TTN: variants seen among roughly 807,000 people sequenced by gnomAD.
The protein encoded by TTN is connectin.
In TTN, 1,525 loss-of-function variants were observed where a neutral mutation model predicts 3,223.0. That is an observed-to-expected ratio of 0.47 (90% CI 0.45 to 0.49). The LOEUF is 0.49. Ranked by LOEUF, TTN falls within the 20% of genes least tolerant of loss-of-function variation. The probability of loss-of-function intolerance (pLI) is 0.00; values close to 1 mark genes in which losing one functional copy is unlikely to be tolerated. For missense variants in TTN, 40,786 were observed against 43,424.0 expected (o/e 0.94, Z 5.40); for synonymous variants, 14,094 against 15,161.0 (o/e 0.93, Z 5.17).
At chr2:178,750,757 T>C (rs2085247385) in intron 47 of TTN, 1 of 1,612,932 alleles carries the variant, frequency 6.2e-7, no homozygotes, top group African/African-American at 1.3e-5. Flanking sequence ...TACCAAAAGA[T>C]TCGCTGGCAT....
At chr2:178,747,787 G>A in intron 47 of TTN, 3 of 1,612,256 alleles carry the variant, frequency 1.9e-6, no homozygotes, top group East Asian at 2.2e-5. Flanking sequence ...CTAAAGTGGA[G>A]AAAGAAGCTT....
Position 178,584,329 on chromosome 2 carries a change from C to T in TTN, c.65222G>A (p.Gly21741Glu). Residue 21741 changes from glycine to glutamate, a missense_variant, in exon 311 of 363, where the codon GGA becomes GAA. Gly to Glu is a moderately conservative substitution (Grantham distance 98, BLOSUM62 -2). Transcript: ENST00000589042. ...TGTGGGTTTGCTGGGTGGGCTGGAT[C>T]CAGCTTTGTTTAGGGCATAGATTCT... ...SFRIYALNKA[G>E]SSPPSKPTEY... is the part of the protein sequence containing the mutation. The T allele has an allele frequency of 6.2e-7, 1 of 1,604,792 alleles. No individual in the cohort carries two copies. Among genetic ancestry groups the T allele is most frequent in the Non-Finnish European group, 8.5e-7 (1 of 1,173,034 alleles).
At position 178,632,241 on chromosome 2, in the gene TTN, A is replaced by G. The variant is rs768244114; in HGVS notation, c.43653T>C (p.His14551=). The G allele has an allele frequency of 3.7e-6, 6 of 1,608,328 alleles. No individual in the cohort carries two copies. In the Admixed American group the frequency reaches 8.4e-5, roughly 23 times the overall value. The change falls in exon 236 of 363, where the codon CAT becomes CAC. Residue 14551 remains histidine (H), a synonymous_variant. Coordinates refer to ENST00000589042, the MANE Select transcript of TTN (RefSeq NM_001267550.2). ...SVSMQDEGKT[H]SITFKDLSID... ...TAGACAGGTCTTTGAATGTGATCGA[A>G]TGAGTTTTCCCTTCGTCTTGCATTG...
intron 111 of TTN, 25 bp downstream of exon 111, chr2:178,701,095 C>T (rs916926436): frequency 1.9e-6 from 3 of 1,605,424 alleles, no homozygotes; most frequent in Non-Finnish European, 2.6e-6. Flanking sequence ...CTTATTTCGA[C>T]ATCTAGGTAG....
In TTN at chr2:178,799,931, A is replaced by C. The variant is rs755491473; in HGVS notation, c.584-21T>G. The C allele has an allele frequency of 1.1e-5, 17 of 1,612,642 alleles. 1 individual carries two copies. The South Asian group carries it at 1.9e-4, about 18-fold the overall frequency. On this transcript the variant is annotated intron_variant, in intron 4 of 362. Coordinates refer to ENST00000589042, the MANE Select transcript of TTN (RefSeq NM_001267550.2). ...TTCACCTGTGGGAAGGGAAAGATGA[A>C]TGTTTGGGAGGGGGCACAATGACCC...
At chr2:178,601,961 G>A in intron 284 of TTN, 41 bp downstream of exon 284, 1 of 1,612,624 alleles carries the variant, frequency 6.2e-7, no homozygotes, top group Non-Finnish European at 8.5e-7. Flanking sequence ...ACTCCTTATA[G>A]TGATTCAGTG....
rs775126784 is a variant in TTN, at chr2:178,684,044, C to G, written c.32761G>C (p.Val10921Leu). The G allele has an allele frequency of 1.2e-6, 2 of 1,606,110 alleles. No homozygotes were observed. Among genetic ancestry groups the G allele is most frequent in the Non-Finnish European group, 1.7e-6 (2 of 1,176,558 alleles). ...TCTCTTTTAGGTTTGAGTTTCAGAA[C>G]TTTTTCTTCTGGGACAGCTCTCTTC... ...EPKRAVPEEK[V>L]LKLKPKREEE... Residue 10921 changes from valine to leucine, a missense_variant, in exon 133 of 363, where the codon GTT becomes CTT. Val to Leu is a conservative substitution (Grantham distance 32, BLOSUM62 1). Transcript: ENST00000589042.
At position 178,631,253 on chromosome 2, in the gene TTN, C is replaced by T; in HGVS notation, c.43795G>A (p.Glu14599Lys). ...CACTGTAGAATAACTTCATCTTTCTCTACACCAGTATAATCTTGAAGTTTT... is the reference window on the plus strand; with the variant it reads ...CACTGTAGAATAACTTCATCTTTCTTTACACCAGTATAATCTTGAAGTTTT... Reference protein sequence around the residue: ...TGKLQDYTGVEKDEVILQCEI... With the variant: ...TGKLQDYTGVKKDEVILQCEI... Residue 14599 changes from glutamate to lysine, a missense_variant, in exon 237 of 363, where the codon GAG becomes AAG. Coordinates refer to ENST00000589042, the MANE Select transcript of TTN (RefSeq NM_001267550.2). The T allele has an allele frequency of 4.3e-6, 7 of 1,612,116 alleles. No individual in the cohort carries two copies. Among genetic ancestry groups the T allele is most frequent in the Non-Finnish European group, 5.9e-6 (7 of 1,179,258 alleles).
chr2:178,650,213 CT>C lies in TTN; in HGVS notation c.39767del (p.Lys13256SerfsTer54). On this transcript the variant is annotated frameshift_variant, in exon 210 of 363. Transcript: ENST00000589042. LOFTEE classifies it high-confidence loss of function. ...CCTCCTCTTCTGCAACAGGAACTGG[CT>C]TTTCCTCTTCAGGAGCAATTTCCTC... is the stretch of plus-strand genomic sequence containing the variant. ...PEEEIAPEEE[K>X]PVPVAEEEEP... The C allele has an allele frequency of 6.3e-7, 1 of 1,597,624 alleles. No individual in the cohort carries two copies. Among genetic ancestry groups the C allele is most frequent in the Admixed American group, 1.7e-5 (1 of 58,292 alleles).
chr2:178,622,582 A>G (rs1182287444), intron 243 of TTN, 88 bp downstream of exon 243: 3 of 1,073,784 alleles, frequency 2.8e-6, no homozygotes, highest in Admixed American at 5.2e-5. Flanking sequence ...AGAAGTTGTG[A>G]CTAACTTTTT....
chr2:178,729,417 A>G lies in TTN; in HGVS notation c.18739T>C (p.Leu6247=). The part of the protein sequence containing the change: ...REIRSSKKYT[L]TDRVSVFNLH... ...TTAAACACAGACACTCTGTCGGTCAATGTGTATTTTTTGCTGCTTCGAATT... is the reference window on the plus strand; with the variant it reads ...TTAAACACAGACACTCTGTCGGTCAGTGTGTATTTTTTGCTGCTTCGAATT... The change falls in exon 64 of 363, where the codon TTG becomes CTG. Residue 6247 remains leucine, a synonymous_variant. Transcript: ENST00000589042. 3 of 1,613,612 alleles carry G rather than the reference A, an allele frequency of 1.9e-6. No individual in the cohort carries two copies. Among genetic ancestry groups the G allele is most frequent in the East Asian group, 2.2e-5 (1 of 44,848 alleles).
At chr2:178,715,288 A>G (rs746001485) in intron 89 of TTN, 24 bp from the exon 90 acceptor site, 1 of 1,580,814 alleles carries the variant, frequency 6.3e-7, no homozygotes, top group East Asian at 2.2e-5. Context: ...AAAGGAAAAT[A>G]CGGATGTATT....
In TTN at chr2:178,584,953, G is replaced by A. The variant is rs751700216; in HGVS notation, c.64688C>T (p.Pro21563Leu). 6.2e-7 allele frequency: 1 copy of A among 1,612,972 alleles called. No individual in the cohort carries two copies. Among genetic ancestry groups the A allele is most frequent in the East Asian group, 2.2e-5 (1 of 44,750 alleles). The change falls in exon 310 of 363, where the codon CCT becomes CTT. Residue 21563 changes from proline to leucine, a missense_variant. Coordinates refer to ENST00000589042, the MANE Select transcript of TTN (RefSeq NM_001267550.2). ...KVVVMDAPGP[P>L]QPPFDISDID... ...ATCAGAAATGTCAAATGGAGGCTGA[G>A]GGGGGCCGGGGGCATCTACATGAAC...
intron 217 of TTN, among the ~76,000 whole-genome samples, chr2:178,645,423 T>C (rs2061780592): frequency 6.7e-6 from 1 of 149,198 alleles, no homozygotes; most frequent in South Asian, 2.1e-4. Context: ...CCTTTCATGA[T>C]ATATAGGCAC....
chr2:178,542,023 CCTCTT>C (rs892038915), intron 349 of TTN: 11 of 383,680 alleles, frequency 2.9e-5, no homozygotes, highest in Admixed American at 8.2e-5. Context: ...CTAACTCCCT[CCTCTT>C]CTCTTTCATA....
In TTN at chr2:178,560,561, CTAAA is replaced by C. The variant is rs770028625; in HGVS notation, c.85567_85570del (p.Phe28523GlufsTer2). On this transcript the variant is annotated frameshift_variant, in exon 326 of 363. Transcript: ENST00000589042. LOFTEE classifies it high-confidence loss of function. Reference sequence around the variant, plus strand: ...ACCATATTTATTAACACCAGTTACTCTAAATATATATTCATTGCCTTTGAGTAAC... The same window carrying C: ...ACCATATTTATTAACACCAGTTACTCTATATATTCATTGCCTTTGAGTAAC... 6.2e-7 allele frequency: 1 copy of C among 1,613,218 alleles called. No homozygotes were observed. Among genetic ancestry groups the C allele is most frequent in the Non-Finnish European group, 8.5e-7 (1 of 1,179,650 alleles).
chr2:178,723,494 A>C lies in TTN; in HGVS notation c.21606T>G (p.Ser7202=). 5 of 1,613,328 alleles carry C rather than the reference A, an allele frequency of 3.1e-6. No homozygotes were observed. The highest frequency in any genetic ancestry group is 4.2e-6 in the Non-Finnish European group (5 of 1,179,596). Residue 7202 remains serine (S), a synonymous_variant, in exon 74 of 363, where the codon TCT becomes TCG. Transcript: ENST00000589042. ...AELELFNIDI[S]QSGEYTCVVS... ...CCACACAGGTGTATTCCCCACTCTG[A>C]GATATGTCAATATTAAATAATTCCA...
chr2:178,776,642 T>A lies in TTN; in HGVS notation c.5222A>T (p.Asp1741Val). The A allele has an allele frequency of 6.2e-7, 1 of 1,614,116 alleles. No individual in the cohort carries two copies. Among genetic ancestry groups the A allele is most frequent in the East Asian group, 2.2e-5 (1 of 44,844 alleles). ...GTTGGCTGCTTCAAGTGGCTTTCCATCATGGAGCCACTCCACCACCATCGT... is the reference window on the plus strand; with the variant it reads ...GTTGGCTGCTTCAAGTGGCTTTCCAACATGGAGCCACTCCACCACCATCGT... ...DPTMVVEWLHDGKPLEAANRL... is the reference protein window; with the variant it reads ...DPTMVVEWLHVGKPLEAANRL... The change falls in exon 28 of 363, where the codon GAT (aspartate) becomes GTT (valine). Residue 1741 changes from aspartate to valine, a missense_variant. Transcript: ENST00000589042.
chr2:178,671,914 C>T, intron 155 of TTN, 57 bp downstream of exon 155: 3 of 1,551,704 alleles, frequency 1.9e-6, no homozygotes. Flanking sequence ...AATTTACTTT[C>T]AAAGGAAAGT....
Sources: allele counts gnomAD v4.1 joint callset (sites outside exome capture counted in the v4.1 genomes callset), GRCh38; gene constraint gnomAD v4.1.1; transcripts MANE v1.5; gene names NCBI Gene and HGNC (gene_info 2026-07-23, HGNC 2026-07-21).